Variants in RPS6KA2 observed in about 807,000 individuals in gnomAD.
RPS6KA2 encodes the protein ribosomal protein S6 kinase alpha-2.
RPS6KA2 carries 42 observed loss-of-function variants against 91.8 expected under a neutral mutation model. The ratio of observed to expected loss-of-function variants is 0.46; its 90% CI spans 0.36 to 0.59. The LOEUF is 0.59. Ranked by LOEUF, RPS6KA2 falls within the 20% of genes least tolerant of loss-of-function variation. RPS6KA2 has a pLI of 0.00. For synonymous variants in RPS6KA2, 414 were observed against 393.6 expected (o/e 1.05, Z -0.61); for missense variants, 798 against 978.5 (o/e 0.82, Z 2.46).
chr6:166,754,125 G>A (rs1310527353), intron 2 of RPS6KA2, among the ~76,000 whole-genome samples: 1 of 152,150 alleles, frequency 6.6e-6, no homozygotes, highest in South Asian at 2.1e-4. Context: ...CGGTTTCTCA[G>A]GCACAATTCT....
chr6:166,508,065 A>G lies in RPS6KA2; in HGVS notation c.459+138T>C. 1.7e-6 allele frequency: 1 copy of G among 596,642 alleles called. No homozygotes were observed. The highest frequency in any genetic ancestry group is 3.0e-6 in the Non-Finnish European group (1 of 330,688). The allele number at this position is 596,642 out of a possible 1,614,324, so 37.0% of individuals were successfully genotyped here. On this transcript the variant is annotated intron_variant, in intron 5 of 20. Transcript: ENST00000265678. This position sits in a 1 kb window ranked among gnomAD's most constrained non-coding sequence, Gnocchi z 4.3. ...CACACACGCACTCTTGCACACACTCACACATGCACACACCCCCACACACAC... is the reference window on the plus strand; with the variant it reads ...CACACACGCACTCTTGCACACACTCGCACATGCACACACCCCCACACACAC...
chr6:166,744,269 A>C (rs1790910033), intron 2 of RPS6KA2, among the ~76,000 whole-genome samples: 1 of 152,140 alleles, frequency 6.6e-6, no homozygotes, highest in Admixed American at 6.5e-5. Flanking sequence ...GGCTGGTGGC[A>C]GGGTCCCTGG....
intron 1 of RPS6KA2, among the ~76,000 whole-genome samples, chr6:166,609,252 G>A (rs1786070992): frequency 6.6e-6 from 1 of 152,204 alleles, no homozygotes; most frequent in South Asian, 2.1e-4. Flanking sequence ...CCCCTAAAAA[G>A]TGGCTCTTTC....
rs949490876 is a variant in RPS6KA2 at position 166,609,577 on chromosome 6, G to A, written c.99+17344C>T. On this transcript the variant is annotated intron_variant, in intron 1 of 20. Transcript: ENST00000265678. ...GGCTGGAGTGCAGTCTTGGCTCACCGTAATCTCCGCCTCCTGGGTTCAAGC... is the reference window on the plus strand; with the variant it reads ...GGCTGGAGTGCAGTCTTGGCTCACCATAATCTCCGCCTCCTGGGTTCAAGC... Among the ~76,000 whole-genome samples, 30 of 148,912 alleles carry A rather than the reference G, an allele frequency of 2.0e-4. 1 individual carries two copies. The highest frequency in any genetic ancestry group is 3.7e-4 in the African/African-American group (15 of 40,180).
At chr6:166,509,850 T>C (rs1249487501) in intron 4 of RPS6KA2, among the ~76,000 whole-genome samples, 1 of 152,224 alleles carries the variant, frequency 6.6e-6, no homozygotes, top group Non-Finnish European at 1.5e-5. Flanking sequence ...TTTTGAGGGT[T>C]CAACGAACTA....
At chr6:166,707,772 T>C (rs1789723281) in intron 2 of RPS6KA2, among the ~76,000 whole-genome samples, 1 of 152,142 alleles carries the variant, frequency 6.6e-6, no homozygotes, top group Non-Finnish European at 1.5e-5. Context: ...AGGGTCTTAC[T>C]TTGTTGCCCA....
intron 2 of RPS6KA2, among the ~76,000 whole-genome samples, chr6:166,652,864 A>G (rs914697298): frequency 6.6e-6 from 1 of 152,182 alleles, no homozygotes; most frequent in East Asian, 1.9e-4. Flanking sequence ...CATGTCATCA[A>G]TATTCCATCA....
At chr6:166,657,633 G>A (rs1788041429) in intron 2 of RPS6KA2, among the ~76,000 whole-genome samples, 1 of 152,178 alleles carries the variant, frequency 6.6e-6, no homozygotes, top group Non-Finnish European at 1.5e-5. Flanking sequence ...ATGATTAAAA[G>A]GACAGGAGCC....
chr6:166,731,307 G>A (rs557104723), intron 2 of RPS6KA2, among the ~76,000 whole-genome samples: 27 of 152,288 alleles, frequency 1.8e-4, no homozygotes, highest in African/African-American at 6.0e-4. Context: ...AAGTATGTTC[G>A]TTGGGCCCTA....
chr6:166,415,308 A>G (rs1778461187), intron 19 of RPS6KA2, among the ~76,000 whole-genome samples: 3 of 151,792 alleles, frequency 2.0e-5, no homozygotes, highest in Admixed American at 6.5e-5. Flanking sequence ...TAGGGCTTTA[A>G]TAACTCTTTT....
intron 2 of RPS6KA2, among the ~76,000 whole-genome samples, chr6:166,657,054 C>G (rs926173795): frequency 6.6e-6 from 1 of 152,040 alleles, no homozygotes; most frequent in South Asian, 2.1e-4. Flanking sequence ...ACCCAGGAAA[C>G]GGGAAGAGCC....
Position 166,557,148 on chromosome 6 carries a change from C to T in RPS6KA2, c.100-18364G>A, listed in dbSNP as rs1784200855. Among the ~76,000 whole-genome samples, 1 of 152,246 alleles carries T rather than the reference C, an allele frequency of 6.6e-6. No homozygotes were observed. The highest frequency in any genetic ancestry group is 6.5e-5 in the Admixed American group (1 of 15,290). ...CTGAACAAGAGGGCACAAAGTAGAACATGCCCTCCCCCTCTCTGCTAAGTT... is the reference window on the plus strand; with the variant it reads ...CTGAACAAGAGGGCACAAAGTAGAATATGCCCTCCCCCTCTCTGCTAAGTT... On this transcript the variant is annotated intron_variant, in intron 1 of 20. Coordinates refer to ENST00000265678, the MANE Select transcript of RPS6KA2 (RefSeq NM_021135.6). The surrounding 1 kb of genome is among the most constrained non-coding windows in gnomAD (Gnocchi z 4.8).
intron 2 of RPS6KA2, chr6:166,700,956 T>C (rs1789497126): frequency 4.3e-6 from 3 of 690,252 alleles, no homozygotes; most frequent in Middle Eastern, 4.1e-4. Flanking sequence ...AGTTCAAAAG[T>C]TGCCTGGTCC....
In RPS6KA2 at chr6:166,515,984, C is replaced by T. The variant is rs1396063328; in HGVS notation, c.299-5627G>A. 1.5e-4 allele frequency among the ~76,000 whole-genome samples: 23 copies of T among 152,182 alleles called. 1 individual carries two copies. Among genetic ancestry groups the T allele is most frequent in the Non-Finnish European group, 2.9e-5 (2 of 68,028 alleles). On this transcript the variant is annotated intron_variant, in intron 3 of 20. Transcript: ENST00000265678. ...TCTTCCCACCTTTGCTTCGAGTTGT[C>T]CAACCTTTCCGGACTGAACCAATGT...
intron 2 of RPS6KA2, among the ~76,000 whole-genome samples, chr6:166,854,116 C>T (rs1780823534): frequency 6.6e-6 from 1 of 152,164 alleles, no homozygotes; most frequent in Non-Finnish European, 1.5e-5. Flanking sequence ...AAGAATCCAC[C>T]CATCCCGTGA....
Position 166,748,010 on chromosome 6 carries a change from G to T in RPS6KA2, c.123+110190C>A, listed in dbSNP as rs112867502. Among the ~76,000 whole-genome samples the T allele has an allele frequency of 1.4e-3, 213 of 152,282 alleles. 2 individuals carry two copies. The highest frequency in any genetic ancestry group is 5.0e-3 in the African/African-American group (206 of 41,552). On this transcript the variant is annotated intron_variant, in intron 2 of 21. Coordinates refer to the RPS6KA2 transcript ENST00000503859. ...TGCCCATGCCAGTGAATGTGCCAAC[G>T]GTCCCTGTAGATCTGCAGGAGCCTG... is the stretch of plus-strand genomic sequence containing the variant.
At chr6:166,780,097 CAGG>C (rs1384264927) in intron 2 of RPS6KA2, among the ~76,000 whole-genome samples, 4 of 152,314 alleles carry the variant, frequency 2.6e-5, no homozygotes, top group South Asian at 2.1e-4. Flanking sequence ...TGGCTCAAAG[CAGG>C]AGAAGTGTTC....
chr6:166,535,946 C>T (rs945350299), intron 2 of RPS6KA2, among the ~76,000 whole-genome samples: 1 of 152,258 alleles, frequency 6.6e-6, no homozygotes. Flanking sequence ...CTTATTCCGG[C>T]TGACCAGGTG....
chr6:166,816,624 A>G (rs1330992260), intron 2 of RPS6KA2, among the ~76,000 whole-genome samples: 1 of 152,166 alleles, frequency 6.6e-6, no homozygotes, highest in Non-Finnish European at 1.5e-5. Flanking sequence ...TCCCCAATTA[A>G]TGGATCTTTG....
Sources: gnomAD v4.1 joint callset for allele counts (sites outside exome capture counted in the v4.1 genomes callset) on GRCh38, gnomAD v4.1.1 for gene constraint, Gnocchi (gnomAD v3.1) non-coding constraint, MANE v1.5 for transcripts, NCBI Gene and HGNC (gene_info 2026-07-23, HGNC 2026-07-21) for gene names.